The following TMCO4 variants were observed in gnomAD, a reference collection of about 807,000 sequenced individuals.
The protein encoded by TMCO4 is transmembrane and coiled-coil domains 4, also known as transmembrane and coiled-coil domain-containing protein 4.
Under a neutral mutation model 64.7 loss-of-function variants are expected in TMCO4, and 58 were observed. The observed-to-expected ratio is 0.90, with a 90% CI of 0.73 to 1.12. TMCO4 has a LOEUF of 1.12. Ranked by LOEUF, TMCO4 falls within the 50% of genes most tolerant of loss-of-function variation. TMCO4 has a pLI of 0.00. For missense variants in TMCO4, 780 were observed against 825.9 expected (o/e 0.94, Z 0.68); for synonymous variants, 325 against 346.1 (o/e 0.94, Z 0.68).
chr1:19,705,531 A>G (rs1471193095), intron 13 of TMCO4, among the ~76,000 whole-genome samples: 5 of 151,996 alleles, frequency 3.3e-5, no homozygotes, highest in African/African-American at 1.2e-4. Flanking sequence ...AATAAAAAAA[A>G]GAATTGCAAA....
At chr1:19,770,829 A>G (rs529981365) in intron 5 of TMCO4, among the ~76,000 whole-genome samples, 2 of 152,352 alleles carry the variant, frequency 1.3e-5, no homozygotes, top group East Asian at 1.9e-4. Context: ...ACAAGCTTCT[A>G]TCTGCTTTAA....
At chr1:19,798,791 G>T (rs1400160634) in intron 1 of TMCO4, among the ~76,000 whole-genome samples, 1 of 152,236 alleles carries the variant, frequency 6.6e-6, no homozygotes, top group Non-Finnish European at 1.5e-5. Flanking sequence ...CTTCCTGAGG[G>T]CAGCGCTCCT....
chr1:19,713,202 A>C (rs747645294), intron 13 of TMCO4, among the ~76,000 whole-genome samples: 2 of 152,170 alleles, frequency 1.3e-5, no homozygotes, highest in Non-Finnish European at 2.9e-5. Flanking sequence ...AGGGGTTTCA[A>C]GGTCACATTG....
At chr1:19,776,379 G>T (rs538172691) in intron 4 of TMCO4, among the ~76,000 whole-genome samples, 3 of 152,164 alleles carry the variant, frequency 2.0e-5, no homozygotes, top group Non-Finnish European at 4.4e-5. Flanking sequence ...ATTGTGGAGT[G>T]GGGGTGGGAG....
chr1:19,708,439 G>A (rs572516134), intron 13 of TMCO4, among the ~76,000 whole-genome samples: 33 of 151,108 alleles, frequency 2.2e-4, no homozygotes, highest in East Asian at 9.7e-4. Context: ...AATGGACAGC[G>A]TCATCACAGC....
chr1:19,682,531 T>C lies in TMCO4; in HGVS notation c.*509A>G, dbSNP rs1280287504. 1.4e-6 allele frequency: 1 copy of C among 703,740 alleles called. No individual in the cohort carries two copies. Among genetic ancestry groups the C allele is most frequent in the Non-Finnish European group, 2.7e-6 (1 of 377,228 alleles). The allele number at this position is 703,740 out of a possible 1,614,324, so 43.6% of individuals were successfully genotyped here. A position where few individuals can be genotyped will look rare whatever the true frequency, so the allele number is the denominator to read the frequency against. On this transcript the variant is annotated 3_prime_UTR_variant, in exon 16 of 16. Transcript: ENST00000294543. ...CTAAGAGCAGGAGTGAGCTGCCTTC[T>C]TTGTACCTGCGCCTGCTCTGTTGCT...
At chr1:19,789,838 A>C (rs1457646918) in intron 2 of TMCO4, among the ~76,000 whole-genome samples, 2 of 152,068 alleles carry the variant, frequency 1.3e-5, no homozygotes, top group African/African-American at 4.8e-5. Context: ...GGATCTCTTG[A>C]GCCCAGGAGT....
At chr1:19,796,690 TCAGCTTC>T (rs1259460196) in intron 2 of TMCO4, among the ~76,000 whole-genome samples, 1 of 152,160 alleles carries the variant, frequency 6.6e-6, no homozygotes, top group Non-Finnish European at 1.5e-5. Flanking sequence ...TTCTCCTGCC[TCAGCTTC>T]CTGAGTAGCT....
chr1:19,762,813 G>A lies in TMCO4; in HGVS notation c.383-7047C>T, dbSNP rs138676431. ...CTCCATCTCTGAGCATGGAGGTAGG[G>A]ATGGTGGGTCGGGGCTGACCTCGTA... On this transcript the variant is annotated intron_variant, in intron 6 of 15. Coordinates refer to ENST00000294543, the MANE Select transcript of TMCO4 (RefSeq NM_181719.7). Among the ~76,000 whole-genome samples, 632 of 152,328 alleles carry A rather than the reference G, an allele frequency of 4.1e-3. 5 individuals carry two copies. Among genetic ancestry groups the A allele is most frequent in the Admixed American group, 7.6e-3 (116 of 15,306 alleles).
At chr1:19,745,496 C>T in intron 10 of TMCO4, 36 bp downstream of exon 10, 1 of 1,613,538 alleles carries the variant, frequency 6.2e-7, no homozygotes, top group Non-Finnish European at 8.5e-7. Context: ...CCACCACTGC[C>T]CACCCCCCTC....
At chr1:19,699,465 AT>A (rs1478437168) in intron 14 of TMCO4, among the ~76,000 whole-genome samples, 1 of 145,928 alleles carries the variant, frequency 6.9e-6, no homozygotes, top group African/African-American at 2.6e-5. Flanking sequence ...GTCTTTGTCC[AT>A]TCCTTATCTT....
chr1:19,694,500 A>G lies in TMCO4; in HGVS notation c.1434T>C (p.Arg478=), dbSNP rs4370779. 1,277,747 of 1,613,186 alleles carry G rather than the reference A, an allele frequency of 0.79. 510,186 individuals carry two copies. The highest frequency in any genetic ancestry group is 0.82 in the Non-Finnish European group (966,544 of 1,179,516). ...GCAGCACGGGCTGTAGGCCGGCGAC[A>G]CGGAGCTGCACCGAGGATGTGCGGT... ...FVYRTSSVQL[R]VAGLQPVLLQ... is the part of the protein sequence containing the mutation. The change falls in exon 15 of 16, where the codon CGT becomes CGC. Residue 478 remains arginine (R), a synonymous_variant. Transcript: ENST00000294543.
intron 7 of TMCO4, among the ~76,000 whole-genome samples, 187 bp downstream of exon 7, chr1:19,755,447 G>C (rs2042203332): frequency 6.6e-6 from 1 of 152,190 alleles, no homozygotes; most frequent in South Asian, 2.1e-4. Flanking sequence ...AATGAAGTCA[G>C]AGGCCCAGAG....
chr1:19,716,165 T>TATTA (rs148511891), intron 13 of TMCO4, among the ~76,000 whole-genome samples: 7 of 144,904 alleles, frequency 4.8e-5, no homozygotes, highest in African/African-American at 1.3e-4. Flanking sequence ...TTATTTTTAT[T>TATTA]TTATTATTAT....
intron 2 of TMCO4, among the ~76,000 whole-genome samples, chr1:19,792,119 A>G (rs1390822096): frequency 6.6e-6 from 1 of 152,174 alleles, no homozygotes; most frequent in Non-Finnish European, 1.5e-5. Context: ...TCCATTAAAC[A>G]TCTTTTTCTT....
At chr1:19,726,451 G>A (rs992436395) in intron 13 of TMCO4, among the ~76,000 whole-genome samples, 1 of 151,582 alleles carries the variant, frequency 6.6e-6, no homozygotes, top group African/African-American at 2.4e-5. Flanking sequence ...GGGACAGAGC[G>A]AGACTCTGTC....
chr1:19,726,996 G>T (rs1421816816), intron 13 of TMCO4, among the ~76,000 whole-genome samples: 1 of 152,220 alleles, frequency 6.6e-6, no homozygotes. Context: ...CTCAATAACA[G>T]TTGGGAAAAT....
intron 3 of TMCO4, among the ~76,000 whole-genome samples, chr1:19,784,845 T>TAAAAA (rs34693780): frequency 4.1e-5 from 4 of 97,844 alleles, no homozygotes; most frequent in Non-Finnish European, 5.8e-5. Flanking sequence ...GCTGATGCAC[T>TAAAAA]AAAAAAAAAA....
chr1:19,755,549 A>C, intron 7 of TMCO4, 85 bp downstream of exon 7: 2 of 1,565,222 alleles, frequency 1.3e-6, no homozygotes, highest in Non-Finnish European at 1.7e-6. Flanking sequence ...ACCATCTCTT[A>C]AAGGGAGAAG....
Sources: allele counts gnomAD v4.1 joint callset (sites outside exome capture counted in the v4.1 genomes callset), GRCh38; gene constraint gnomAD v4.1.1; transcripts MANE v1.5; gene names NCBI Gene and HGNC (gene_info 2026-07-23, HGNC 2026-07-21).